Variants in CHAF1A observed in about 807,000 individuals in gnomAD.
The protein encoded by CHAF1A is CAF-1 subunit A.
A neutral mutation model predicts 93.2 loss-of-function variants in CHAF1A; 5 were observed. That is an observed-to-expected ratio of 0.05 (90% CI 0.03 to 0.11). The LOEUF (loss-of-function observed/expected upper bound fraction) is 0.11, where lower values mean the gene tolerates loss of function less well. Ranked by LOEUF, CHAF1A falls within the 10% of genes least tolerant of loss-of-function variation. The probability of loss-of-function intolerance (pLI) is 1.00; values close to 1 mark genes in which losing one functional copy is unlikely to be tolerated. For synonymous variants in CHAF1A, 504 were observed against 510.3 expected (o/e 0.99, Z 0.17); for missense variants, 1,102 against 1,259.9 (o/e 0.87, Z 1.90).
intron 1 of CHAF1A, 54 bp from the exon 2 acceptor site, chr19:4,405,858 A>C: frequency 6.5e-7 from 1 of 1,528,508 alleles, no homozygotes; most frequent in South Asian, 1.1e-5. Context: ...TGTATTTGCT[A>C]ACTTGATTAT....
At chr19:4,418,767 A>G (rs756644340) in intron 4 of CHAF1A, among the ~76,000 whole-genome samples, 7 of 151,980 alleles carry the variant, frequency 4.6e-5, no homozygotes, top group Non-Finnish European at 2.9e-5. Flanking sequence ...AATAGCCTCT[A>G]CACTCGATGG....
chr19:4,429,932 C>T (rs111917399), intron 10 of CHAF1A, 144 bp downstream of exon 10: 9,381 of 682,794 alleles, frequency 0.014, 111 homozygotes, highest in Middle Eastern at 0.022. Flanking sequence ...GAAACCTGAA[C>T]GCACCTCAAC....
chr19:4,436,989 G>A (rs1279686182), intron 13 of CHAF1A, among the ~76,000 whole-genome samples: 1 of 152,196 alleles, frequency 6.6e-6, no homozygotes, highest in Non-Finnish European at 1.5e-5. Context: ...AACTAGAGTG[G>A]GTCAGAGAGG....
intron 13 of CHAF1A, among the ~76,000 whole-genome samples, chr19:4,440,908 A>G (rs1407182802): frequency 1.3e-5 from 2 of 151,534 alleles, no homozygotes; most frequent in African/African-American, 4.9e-5. Context: ...TCCTGAGGTC[A>G]GGAGTTCGAG....
chr19:4,438,826 C>T (rs955884059), intron 13 of CHAF1A, among the ~76,000 whole-genome samples: 1 of 152,004 alleles, frequency 6.6e-6, no homozygotes, highest in East Asian at 1.9e-4. Context: ...ACTAAAAATA[C>T]AAAAAATTAG....
chr19:4,435,554 G>A (rs1974268828), intron 13 of CHAF1A, among the ~76,000 whole-genome samples: 1 of 152,032 alleles, frequency 6.6e-6, no homozygotes, highest in South Asian at 2.1e-4. Context: ...ATTTTCTGTA[G>A]AAACAGGGTT....
At chr19:4,445,376 C>T, downstream of CHAF1A, 1 of 1,499,948 alleles carries the variant, frequency 6.7e-7, no homozygotes, top group Non-Finnish European at 9.0e-7. Flanking sequence ...GGCGCCCCTC[C>T]CGTGCCCATG....
At chr19:4,446,807 C>T, downstream of CHAF1A, 1 of 1,613,918 alleles carries the variant, frequency 6.2e-7, no homozygotes, top group Non-Finnish European at 8.5e-7. Flanking sequence ...CGTCCCCATT[C>T]CCTACTCAGC....
At chr19:4,404,796 G>C (rs995639179) in intron 1 of CHAF1A, among the ~76,000 whole-genome samples, 1 of 148,658 alleles carries the variant, frequency 6.7e-6, no homozygotes, top group Non-Finnish European at 1.5e-5. Flanking sequence ...TTTATCTAAA[G>C]ACTCGCTTCT....
chr19:4,416,467 A>G (rs1023075621), intron 3 of CHAF1A, among the ~76,000 whole-genome samples: 5 of 152,188 alleles, frequency 3.3e-5, no homozygotes, highest in Admixed American at 2.0e-4. Context: ...CATGGATCCT[A>G]TTGGTAATTC....
intron 13 of CHAF1A, among the ~76,000 whole-genome samples, chr19:4,440,698 G>A (rs1225708348): frequency 6.6e-6 from 1 of 152,098 alleles, no homozygotes; most frequent in Non-Finnish European, 1.5e-5. Flanking sequence ...TGGACAGCCT[G>A]CCACACGCCT....
Position 4,431,935 on chromosome 19 carries a change from G to A in CHAF1A, c.1948-17G>A. ...GAGCAAGAACCCCAAATAAACTTCT[G>A]CTTTCTAAACCACAAGGAGTGTGCC... is the stretch of plus-strand genomic sequence containing the variant. On this transcript the variant is annotated splice_polypyrimidine_tract_variant and intron_variant, in intron 11 of 14. Coordinates refer to ENST00000301280, the MANE Select transcript of CHAF1A (RefSeq NM_005483.3). The A allele has an allele frequency of 6.3e-7, 1 of 1,585,832 alleles. No individual in the cohort carries two copies. Among genetic ancestry groups the A allele is most frequent in the South Asian group, 1.1e-5 (1 of 89,564 alleles).
At chr19:4,428,952 C>G in intron 8 of CHAF1A, 62 bp downstream of exon 8, 3 of 1,427,214 alleles carry the variant, frequency 2.1e-6, no homozygotes, top group South Asian at 1.2e-5. Context: ...CATCCTGAAC[C>G]CTGGGGTCCC....
intron 13 of CHAF1A, among the ~76,000 whole-genome samples, chr19:4,435,043 C>G (rs968903676): frequency 2.0e-5 from 3 of 151,750 alleles, no homozygotes; most frequent in South Asian, 4.2e-4. Context: ...TTTGTCCTTA[C>G]CACACAGTGT....
At chr19:4,429,300 G>T in intron 8 of CHAF1A, 138 bp from the exon 9 acceptor site, 1 of 973,454 alleles carries the variant, frequency 1.0e-6, no homozygotes, top group East Asian at 2.6e-5. Flanking sequence ...ACCTTTCTTT[G>T]GGGACAGGCA....
Position 4,424,993 on chromosome 19 carries a change from C to T in CHAF1A, c.1377+1119C>T, listed in dbSNP as rs555328507. 8.6e-5 allele frequency among the ~76,000 whole-genome samples: 13 copies of T among 151,962 alleles called. 1 individual carries two copies. The South Asian group carries it at 2.3e-3, about 27-fold the overall frequency. ...TTTGCTATGTTGCCCAGGCTGGTCT[C>T]GACGACCTGGCTTCAAATGATCCTC... is the stretch of plus-strand genomic sequence containing the variant. On this transcript the variant is annotated intron_variant, in intron 7 of 14. Coordinates refer to ENST00000301280, the MANE Select transcript of CHAF1A (RefSeq NM_005483.3).
At chr19:4,447,695 T>C (rs373605033), downstream of CHAF1A, 1,474 of 1,504,650 alleles carry the variant, frequency 9.8e-4, 11 homozygotes, top group African/African-American at 0.012. Flanking sequence ...TGCCTCCTGC[T>C]CCAGGTAACA....
intron 2 of CHAF1A, among the ~76,000 whole-genome samples, chr19:4,406,942 G>A (rs989307062): frequency 2.6e-5 from 4 of 151,858 alleles, no homozygotes; most frequent in East Asian, 1.9e-4. Flanking sequence ...AAAGGGGGAC[G>A]CCAGATGCTA....
intron 4 of CHAF1A, among the ~76,000 whole-genome samples, chr19:4,420,897 A>G (rs1973979894): frequency 6.6e-6 from 1 of 151,838 alleles, no homozygotes; most frequent in East Asian, 1.9e-4. Flanking sequence ...ACATAGTGAG[A>G]CTCCATCTCT....
Sources: allele counts gnomAD v4.1 joint callset (sites outside exome capture counted in the v4.1 genomes callset), GRCh38; gene constraint gnomAD v4.1.1; transcripts MANE v1.5; gene names NCBI Gene and HGNC (gene_info 2026-07-23, HGNC 2026-07-21).